TSPAN18: variants seen among roughly 807,000 people sequenced by gnomAD.
TSPAN18 encodes tetraspanin 18.
TSPAN18 carries 14 observed loss-of-function variants against 27.3 expected under a neutral mutation model. The ratio of observed to expected loss-of-function variants is 0.51; its 90% CI spans 0.34 to 0.80. The LOEUF is 0.80. Ranked by LOEUF, TSPAN18 falls within the 30% of genes least tolerant of loss-of-function variation. The pLI, the probability that TSPAN18 is intolerant of heterozygous loss-of-function variation, is 0.01. For missense variants in TSPAN18, 268 were observed against 323.9 expected, an observed-to-expected ratio of 0.83 and a Z score of 1.32; for synonymous variants, 143 against 136.5, an observed-to-expected ratio of 1.05 and a Z score of -0.33.
chr11:44,926,530 C>CTGT, intron 8 of TSPAN18, 144 bp from the exon 9 acceptor site: 1 of 745,416 alleles, frequency 1.3e-6, no homozygotes, highest in Non-Finnish European at 2.4e-6. Flanking sequence ...CCCTGCACCC[C>CTGT]CTCCCCACTG....
intron 3 of TSPAN18, among the ~76,000 whole-genome samples, chr11:44,898,175 C>T (rs977606843): frequency 1.3e-5 from 2 of 152,168 alleles, no homozygotes; most frequent in Admixed American, 1.3e-4. Context: ...ATGCATGCTC[C>T]CAAAATAAAT....
chr11:44,787,792 G>A (rs766469044), intron 2 of TSPAN18, among the ~76,000 whole-genome samples: 1 of 152,198 alleles, frequency 6.6e-6, no homozygotes, highest in Non-Finnish European at 1.5e-5. Flanking sequence ...CTTTTGAGGG[G>A]ATCTGTAGCA....
intron 2 of TSPAN18, among the ~76,000 whole-genome samples, chr11:44,792,984 C>A (rs1856264108): frequency 6.6e-6 from 1 of 152,074 alleles, no homozygotes; most frequent in African/African-American, 2.4e-5. Context: ...GAAACAGACC[C>A]TGAGATGTGA....
At chr11:44,861,643 A>G (rs192364642) in intron 3 of TSPAN18, among the ~76,000 whole-genome samples, 5 of 151,886 alleles carry the variant, frequency 3.3e-5, no homozygotes, top group Admixed American at 3.3e-4. Flanking sequence ...GATTCTCCCT[A>G]CTGGTGTCAT....
At chr11:44,875,506 C>T (rs1470111261) in intron 3 of TSPAN18, among the ~76,000 whole-genome samples, 3 of 152,232 alleles carry the variant, frequency 2.0e-5, no homozygotes, top group African/African-American at 7.2e-5. Flanking sequence ...TAGCTGGTTG[C>T]ACAACCCAAT....
chr11:44,730,357 G>A (rs1194721518), intron 1 of TSPAN18, among the ~76,000 whole-genome samples: 1 of 152,110 alleles, frequency 6.6e-6, no homozygotes, highest in Non-Finnish European at 1.5e-5. Context: ...CCTTTCCAGA[G>A]GGCTGCTTTT....
chr11:44,764,390 CT>C lies in TSPAN18; in HGVS notation c.-239-31del, dbSNP rs1038928101. On this transcript the variant is annotated intron_variant, in intron 1 of 9. Transcript: ENST00000520358. ...TGAGGTGGTCCCCAAGGACTCCTGC[CT>C]TTTTGAAATGTGTTTCTCTCTCTTC... 6 of 152,196 alleles carry C rather than the reference CT, an allele frequency of 3.9e-5. No individual in the cohort carries two copies. The South Asian group carries it at 6.2e-4, about 16-fold the overall frequency. The allele number at this position is 152,196 out of a possible 1,614,324, so 9.4% of individuals were successfully genotyped here.
chr11:44,831,046 G>C (rs560844254), intron 2 of TSPAN18, among the ~76,000 whole-genome samples: 1 of 152,326 alleles, frequency 6.6e-6, no homozygotes, highest in Non-Finnish European at 1.5e-5. Context: ...CTAGGAGGTG[G>C]AAGTTGCAGT....
chr11:44,737,637 T>G (rs1854828796), intron 1 of TSPAN18, among the ~76,000 whole-genome samples: 1 of 152,208 alleles, frequency 6.6e-6, no homozygotes, highest in Non-Finnish European at 1.5e-5. Context: ...GGAAAACATC[T>G]GTTGTGTAAT....
chr11:44,732,064 CT>C (rs1854674178), intron 1 of TSPAN18, among the ~76,000 whole-genome samples: 1 of 152,236 alleles, frequency 6.6e-6, no homozygotes, highest in Admixed American at 6.5e-5. Context: ...CCCTGAATCC[CT>C]TTTTGTGTTC....
intron 2 of TSPAN18, among the ~76,000 whole-genome samples, chr11:44,810,204 C>T (rs1411603855): frequency 6.6e-6 from 1 of 152,198 alleles, no homozygotes; most frequent in Admixed American, 6.5e-5. Context: ...GCATTCAGCT[C>T]ATTCATAGTG....
intron 2 of TSPAN18, among the ~76,000 whole-genome samples, chr11:44,775,961 C>T (rs1253451122): frequency 6.6e-6 from 1 of 152,170 alleles, no homozygotes; most frequent in East Asian, 1.9e-4. Context: ...GATTCAACCT[C>T]TGTTGTTGCC....
At chr11:44,866,746 C>T (rs1207481991) in intron 3 of TSPAN18, among the ~76,000 whole-genome samples, 1 of 152,238 alleles carries the variant, frequency 6.6e-6, no homozygotes, top group African/African-American at 2.4e-5. Flanking sequence ...CTGCCCTCCT[C>T]TGCAGGCTCA....
intron 2 of TSPAN18, among the ~76,000 whole-genome samples, chr11:44,825,920 G>T (rs999466804): frequency 2.0e-5 from 3 of 152,130 alleles, no homozygotes; most frequent in African/African-American, 7.2e-5. Flanking sequence ...CAGGGTGTGG[G>T]TCCCCACTCT....
chr11:44,915,873 G>A (rs1387630963), intron 5 of TSPAN18, among the ~76,000 whole-genome samples: 3 of 152,340 alleles, frequency 2.0e-5, no homozygotes, highest in Middle Eastern at 3.4e-3. Context: ...TCCGGTGCCC[G>A]GCGGTCCCCT....
chr11:44,919,918 G>A lies in TSPAN18; in HGVS notation c.534G>A (p.Arg178=). The A allele has an allele frequency of 6.2e-7, 1 of 1,614,246 alleles. No homozygotes were observed. Among genetic ancestry groups the A allele is most frequent in the South Asian group, 1.1e-5 (1 of 91,088 alleles). ...DSEEVPEACC[R]REPQSRDGVL... ...AAGAGGTGCCGGAGGCCTGCTGCCG[G>A]AGGGAACCCCAAAGTCGGGACGGGG... The change falls in exon 8 of 10, where the codon CGG becomes CGA. Residue 178 remains arginine, a synonymous_variant. Transcript: ENST00000520358.
chr11:44,919,890 G>A lies in TSPAN18; in HGVS notation c.506G>A (p.Ser169Asn), dbSNP rs1216762711. The A allele has an allele frequency of 3.1e-6, 5 of 1,614,144 alleles. No homozygotes were observed. The highest frequency in any genetic ancestry group is 3.4e-6 in the Non-Finnish European group (4 of 1,180,060). ...ASVFRLLTLDSEEVPEACCRR... is the reference protein window; with the variant it reads ...ASVFRLLTLDNEEVPEACCRR... ...GTGTTTCGACTCCTGACCCTGGATA[G>A]TGAAGAGGTGCCGGAGGCCTGCTGC... Residue 169 changes from serine (S) to asparagine (N), a missense_variant, in exon 8 of 10, where the codon AGT (serine) becomes AAT (asparagine). Coordinates refer to ENST00000520358, the MANE Select transcript of TSPAN18 (RefSeq NM_130783.5).
At chr11:44,896,776 C>T (rs1407804790) in intron 3 of TSPAN18, among the ~76,000 whole-genome samples, 1 of 152,040 alleles carries the variant, frequency 6.6e-6, no homozygotes, top group African/African-American at 2.4e-5. Flanking sequence ...TTGTCTCCTC[C>T]ACGCTGCCAC....
intron 2 of TSPAN18, chr11:44,859,666 C>T (rs1331314750): frequency 2.0e-5 from 3 of 152,324 alleles, no homozygotes; most frequent in East Asian, 1.9e-4. Flanking sequence ...CATCGTCCCC[C>T]GTCCGCCACC....
Sources: allele counts gnomAD v4.1 joint callset (sites outside exome capture counted in the v4.1 genomes callset), GRCh38; gene constraint gnomAD v4.1.1; transcripts MANE v1.5; gene names NCBI Gene and HGNC (gene_info 2026-07-23, HGNC 2026-07-21).